The following C10orf67 variants were observed in gnomAD, a reference collection of about 807,000 sequenced individuals.
C10orf67 encodes the protein uncharacterized protein C10orf67, mitochondrial.
Under a neutral mutation model 35.6 loss-of-function variants are expected in C10orf67, and 60 were observed. The ratio of observed to expected loss-of-function variants is 1.68; its 90% CI spans 1.37 to 2.09. The LOEUF (loss-of-function observed/expected upper bound fraction) is 2.09, where lower values mean the gene tolerates loss of function less well. Among genes scored for constraint, C10orf67 ranks in the 30% most tolerant of loss-of-function variants. C10orf67 has a pLI of 0.00. For missense variants in C10orf67, 474 were observed against 330.2 expected, an observed-to-expected ratio of 1.44 and a Z score of -3.38; for synonymous variants, 167 against 115.8, an observed-to-expected ratio of 1.44 and a Z score of -2.84.
chr10:23,279,064 C>T (rs1055598192), intron 8 of C10orf67, among the ~76,000 whole-genome samples: 3 of 152,234 alleles, frequency 2.0e-5, no homozygotes, highest in Non-Finnish European at 2.9e-5. Context: ...CCAGCCTGGG[C>T]AATATAGCGA....
In C10orf67 at chr10:23,281,468, G is replaced by A. The variant is rs1288809674; in HGVS notation, c.975+545C>T. Among the ~76,000 whole-genome samples the A allele has an allele frequency of 3.3e-5, 5 of 152,126 alleles. No individual in the cohort carries two copies. In the East Asian group the frequency reaches 5.8e-4, roughly 18 times the overall value. On this transcript the variant is annotated intron_variant, in intron 8 of 15. Coordinates refer to ENST00000636213, the MANE Select transcript of C10orf67 (RefSeq NM_001371909.1). Reference sequence around the variant, plus strand: ...AACAAAGACATACTAGTGGTAATCAGCTGAAAGCCAAATACGCCACCATAA... The same window carrying A: ...AACAAAGACATACTAGTGGTAATCAACTGAAAGCCAAATACGCCACCATAA...
chr10:23,278,999 C>G (rs990268597), intron 8 of C10orf67, among the ~76,000 whole-genome samples: 6 of 152,192 alleles, frequency 3.9e-5, no homozygotes, highest in African/African-American at 1.4e-4. Context: ...TGCCTGTAAT[C>G]CCAACACTTT....
At chr10:23,248,364 G>A (rs114901577) in intron 12 of C10orf67, among the ~76,000 whole-genome samples, 611 of 152,302 alleles carry the variant, frequency 4.0e-3, no homozygotes, top group African/African-American at 0.014. Flanking sequence ...GTCGCATCAG[G>A]CTTGGCACAC....
At position 23,253,811 on chromosome 10, in the gene C10orf67, AT is replaced by A. The variant is rs371402596; in HGVS notation, c.1201-3121del. 2.0e-4 allele frequency among the ~76,000 whole-genome samples: 30 copies of A among 152,330 alleles called. No individual in the cohort carries two copies. In the South Asian group the frequency reaches 4.8e-3, roughly 24 times the overall value. On this transcript the variant is annotated intron_variant, in intron 10 of 15. Coordinates refer to ENST00000636213, the MANE Select transcript of C10orf67 (RefSeq NM_001371909.1). ...TCTATCTTCTGTAAAGCAAATAATTATTCAATCTCTTCAAAAGACAACACTA... is the reference window on the plus strand; with the variant it reads ...TCTATCTTCTGTAAAGCAAATAATTATCAATCTCTTCAAAAGACAACACTA...
intron 1 of C10orf67, among the ~76,000 whole-genome samples, chr10:23,341,893 C>T (rs951862922): frequency 3.3e-5 from 5 of 152,156 alleles, no homozygotes; most frequent in African/African-American, 9.7e-5. Flanking sequence ...CAGTCCAGGC[C>T]GGGTATGGTG....
At chr10:23,213,046 C>T (rs1278960150) in intron 15 of C10orf67, among the ~76,000 whole-genome samples, 1 of 151,950 alleles carries the variant, frequency 6.6e-6, no homozygotes, top group African/African-American at 2.4e-5. Context: ...CAAGATAACC[C>T]AGAGTAAAAC....
At chr10:23,302,641 T>C (rs1844122024) in intron 5 of C10orf67, among the ~76,000 whole-genome samples, 1 of 152,206 alleles carries the variant, frequency 6.6e-6, no homozygotes, top group Non-Finnish European at 1.5e-5. Flanking sequence ...GCCTGGGACA[T>C]CCGGTGGCTC....
At chr10:23,221,372 T>A (rs765552387) in intron 15 of C10orf67, among the ~76,000 whole-genome samples, 3 of 152,158 alleles carry the variant, frequency 2.0e-5, no homozygotes, top group Non-Finnish European at 4.4e-5. Flanking sequence ...CAAATGGACG[T>A]GAGATTTGGG....
rs1845492486 is a variant in C10orf67, at chr10:23,331,640, G to A, written c.327+1422C>T. Among the ~76,000 whole-genome samples the A allele has an allele frequency of 4.8e-5, 7 of 144,494 alleles. No homozygotes were observed. The South Asian group carries it at 1.7e-3, about 35-fold the overall frequency. 94.8% of individuals were successfully genotyped at this position (144,494 alleles called of 152,430 possible). A position where few individuals can be genotyped will look rare whatever the true frequency, so the allele number is the denominator to read the frequency against. ...CGGGAGGGGAGGGGAGGGGAGAAGGGAAGGGAAGAAGGGAAGGGGAAAGGA... is the reference window on the plus strand; with the variant it reads ...CGGGAGGGGAGGGGAGGGGAGAAGGAAAGGGAAGAAGGGAAGGGGAAAGGA... On this transcript the variant is annotated intron_variant, in intron 2 of 15. Transcript: ENST00000636213.
At chr10:23,288,534 C>T (rs1234259883) in intron 7 of C10orf67, among the ~76,000 whole-genome samples, 2 of 152,098 alleles carry the variant, frequency 1.3e-5, no homozygotes, top group South Asian at 2.1e-4. Context: ...ACCACCATGG[C>T]ACATATATAC....
chr10:23,299,672 G>A (rs1337400098), intron 5 of C10orf67, among the ~76,000 whole-genome samples: 3 of 152,116 alleles, frequency 2.0e-5, no homozygotes, highest in Non-Finnish European at 2.9e-5. Flanking sequence ...AATTGTCCAC[G>A]ACAGGAGAGT....
intron 4 of C10orf67, 115 bp downstream of exon 4, chr10:23,320,626 A>G: frequency 1.4e-6 from 1 of 719,308 alleles, no homozygotes; most frequent in Non-Finnish European, 2.3e-6. Flanking sequence ...AATCGAGGAA[A>G]CAGGCCTTCA....
At chr10:23,207,241 C>G (rs1015750140) in intron 15 of C10orf67, among the ~76,000 whole-genome samples, 1 of 151,068 alleles carries the variant, frequency 6.6e-6, no homozygotes, top group Non-Finnish European at 1.5e-5. Context: ...TCCCAGTGGA[C>G]TTATTAATGT....
intron 5 of C10orf67, among the ~76,000 whole-genome samples, chr10:23,295,155 A>G (rs1451567209): frequency 6.6e-6 from 1 of 152,178 alleles, no homozygotes; most frequent in East Asian, 1.9e-4. Flanking sequence ...TCAAATATTA[A>G]GAGTGTTTAC....
chr10:23,229,266 A>C (rs141786257), intron 13 of C10orf67, among the ~76,000 whole-genome samples: 5 of 152,142 alleles, frequency 3.3e-5, no homozygotes, highest in African/African-American at 1.2e-4. Flanking sequence ...ATAAAGGATG[A>C]TTTCATGTCC....
At position 23,249,713 on chromosome 10, in the gene C10orf67, C is replaced by T. The variant is rs563433657; in HGVS notation, c.1346+742G>A. On this transcript the variant is annotated intron_variant, in intron 12 of 15. Transcript: ENST00000636213. Reference sequence around the variant, plus strand: ...GCCATCCCAGGATCTTTTGTGTAAGCTTCAAGTTTGACCTCCGATGGCCTC... The same window carrying T: ...GCCATCCCAGGATCTTTTGTGTAAGTTTCAAGTTTGACCTCCGATGGCCTC... Among the ~76,000 whole-genome samples the T allele has an allele frequency of 5.9e-4, 90 of 152,284 alleles. No individual in the cohort carries two copies. In the South Asian group the frequency reaches 0.018, roughly 31 times the overall value.
chr10:23,284,260 T>G (rs1303272252), intron 7 of C10orf67, among the ~76,000 whole-genome samples: 2 of 150,076 alleles, frequency 1.3e-5, no homozygotes, highest in Non-Finnish European at 3.0e-5. Flanking sequence ...AGATTCTTCC[T>G]ATATAGTTTC....
At chr10:23,268,154 G>T (rs1842930494) in intron 8 of C10orf67, among the ~76,000 whole-genome samples, 1 of 152,038 alleles carries the variant, frequency 6.6e-6, no homozygotes, top group Admixed American at 6.6e-5. Context: ...AATTACCCAG[G>T]TGTGGTGGTG....
At chr10:23,224,192 C>A (rs1398332361) in intron 13 of C10orf67, among the ~76,000 whole-genome samples, 1 of 152,182 alleles carries the variant, frequency 6.6e-6, no homozygotes, top group African/African-American at 2.4e-5. Flanking sequence ...TCCAGAGGAA[C>A]GATCAGGCAG....
Sources: gnomAD v4.1 joint callset for allele counts (sites outside exome capture counted in the v4.1 genomes callset) on GRCh38, gnomAD v4.1.1 for gene constraint, MANE v1.5 for transcripts, NCBI Gene and HGNC (gene_info 2026-07-23, HGNC 2026-07-21) for gene names.